PDE1C: variants seen among roughly 807,000 people sequenced by gnomAD.
PDE1C encodes dual specificity calcium/calmodulin-dependent 3',5'-cyclic nucleotide phosphodiesterase 1C.
In PDE1C, 62 loss-of-function variants were observed where a neutral mutation model predicts 93.1. That is an observed-to-expected ratio of 0.67 (90% confidence interval 0.54 to 0.82). PDE1C has a LOEUF of 0.82. Among genes scored for constraint, PDE1C ranks in the 40% least tolerant of loss-of-function variants. PDE1C has a pLI of 0.00. For synonymous variants in PDE1C, 325 were observed against 310.1 expected (o/e 1.05, Z -0.50); for missense variants, 742 against 884.6 (o/e 0.84, Z 2.04).
intron 2 of PDE1C, among the ~76,000 whole-genome samples, chr7:31,943,606 A>G (rs968047375): frequency 6.6e-6 from 1 of 152,182 alleles, no homozygotes; most frequent in Non-Finnish European, 1.5e-5. Context: ...TCCTATAAAT[A>G]TCAATGACCA....
chr7:32,047,729 A>G (rs1313683685), intron 2 of PDE1C, among the ~76,000 whole-genome samples: 4 of 152,098 alleles, frequency 2.6e-5, no homozygotes, highest in Non-Finnish European at 4.4e-5. Flanking sequence ...TTCTTTAACA[A>G]GGTTTTGATA....
At chr7:32,346,535 C>A (rs1783855951) in intron 1 of PDE1C, among the ~76,000 whole-genome samples, 1 of 152,200 alleles carries the variant, frequency 6.6e-6, no homozygotes, top group South Asian at 2.1e-4. Flanking sequence ...CACCTTGAGA[C>A]TATCTCCATG....
At chr7:31,656,161 G>C in the PDE1C span, 1 of 349,678 alleles carries the variant, frequency 2.9e-6, no homozygotes, top group Non-Finnish European at 4.0e-6. Flanking sequence ...AAAACCTCCT[G>C]TCTTGTGTTA....
chr7:32,047,228 T>G (rs1792728115), intron 2 of PDE1C, among the ~76,000 whole-genome samples: 1 of 152,130 alleles, frequency 6.6e-6, no homozygotes, highest in Non-Finnish European at 1.5e-5. Context: ...CCAGACCTGA[T>G]AACTTGAAGG....
At chr7:32,283,991 G>A (rs908726581) in intron 1 of PDE1C, among the ~76,000 whole-genome samples, 5 of 152,138 alleles carry the variant, frequency 3.3e-5, no homozygotes, top group Non-Finnish European at 7.4e-5. Flanking sequence ...ACCAGGGCGG[G>A]AAGAAGCATC....
intron 1 of PDE1C, among the ~76,000 whole-genome samples, chr7:32,426,545 C>T (rs1785539021): frequency 6.6e-6 from 1 of 152,040 alleles, no homozygotes. Flanking sequence ...GATCACTGCA[C>T]CTGGCTGTAC....
At chr7:32,354,628 G>T (rs975144290) in intron 1 of PDE1C, among the ~76,000 whole-genome samples, 3 of 152,154 alleles carry the variant, frequency 2.0e-5, no homozygotes, top group African/African-American at 4.8e-5. Context: ...CCTTGCAGGG[G>T]AAGAGCCCAA....
At position 31,823,357 on chromosome 7, in the gene PDE1C, G is replaced by A. The variant is rs1789240049; in HGVS notation, c.1407-109C>T. 5.4e-6 allele frequency: 4 copies of A among 742,184 alleles called. No homozygotes were observed. In the East Asian group the frequency reaches 8.5e-5, roughly 16 times the overall value. 46.0% of individuals were successfully genotyped at this position (742,184 alleles called of 1,614,324 possible). A position where few individuals can be genotyped will look rare whatever the true frequency, so the allele number is the denominator to read the frequency against. On this transcript the variant is annotated intron_variant, in intron 13 of 17. Coordinates refer to ENST00000396191, the MANE Select transcript of PDE1C (RefSeq NM_001191057.4). The stretch of plus-strand genomic sequence containing the variant: ...TTAGCACTCCTAAAGTTATTGCTGT[G>A]AAATATCTGGATCCTGAGGTTTATA...
intron 3 of PDE1C, among the ~76,000 whole-genome samples, chr7:32,163,722 G>T (rs1032912613): frequency 5.9e-5 from 9 of 152,150 alleles, no homozygotes; most frequent in Non-Finnish European, 1.2e-4. Flanking sequence ...GCAATGCACT[G>T]AGTGGCTTCA....
At chr7:31,896,020 T>TACATACATACACACAC (rs1466998669) in intron 2 of PDE1C, among the ~76,000 whole-genome samples, 1 of 151,274 alleles carries the variant, frequency 6.6e-6, no homozygotes, top group African/African-American at 2.4e-5. Flanking sequence ...CATACATACA[T>TACATACATACACACAC]ACACACACAA....
At chr7:32,124,632 G>GGAAAACTGGCTAGCCATATGCA (rs916132418) in intron 3 of PDE1C, among the ~76,000 whole-genome samples, 4 of 152,162 alleles carry the variant, frequency 2.6e-5, no homozygotes, top group African/African-American at 2.4e-5. Flanking sequence ...AGTGGTGCTA[G>GGAAAACTGGCTAGCCATATGCA]GAAAACTGGC....
intron 1 of PDE1C, among the ~76,000 whole-genome samples, chr7:32,391,224 C>CTTCA (rs1784742590): frequency 1.3e-5 from 2 of 152,012 alleles, no homozygotes; most frequent in Non-Finnish European, 2.9e-5. Context: ...CCTAAGAGAG[C>CTTCA]TGAAGTGGCT....
At chr7:32,107,151 A>G (rs1228907368) in intron 3 of PDE1C, among the ~76,000 whole-genome samples, 1 of 37,972 alleles carries the variant, frequency 2.6e-5, no homozygotes, top group Non-Finnish European at 1.4e-4. Context: ...AATGTAAAGA[A>G]AAAAAAAAAG....
intron 1 of PDE1C, among the ~76,000 whole-genome samples, chr7:32,249,140 T>C (rs902778068): frequency 6.6e-6 from 1 of 151,948 alleles, no homozygotes; most frequent in Non-Finnish European, 1.5e-5. Context: ...CAGCTGGCAG[T>C]GTTCAGGCAG....
intron 3 of PDE1C, among the ~76,000 whole-genome samples, chr7:32,117,735 A>G (rs1799063643): frequency 6.6e-6 from 1 of 152,208 alleles, no homozygotes; most frequent in South Asian, 2.1e-4. Flanking sequence ...GGTTGCAGTC[A>G]AGAGTGTTCA....
chr7:32,387,818 C>G (rs1190196781), intron 1 of PDE1C, among the ~76,000 whole-genome samples: 148 of 147,886 alleles, frequency 1.0e-3, no homozygotes, highest in African/African-American at 3.7e-3. Context: ...TGACCCCCAC[C>G]ACCTCCCTCC....
the PDE1C span, chr7:31,652,062 G>A: frequency 1.7e-5 from 26 of 1,561,330 alleles, no homozygotes; most frequent in Non-Finnish European, 2.3e-5. Context: ...TATGGGTGAT[G>A]GGGTGTGGAG....
chr7:32,234,069 T>C (rs1807903361), intron 1 of PDE1C, among the ~76,000 whole-genome samples: 4 of 151,898 alleles, frequency 2.6e-5, no homozygotes, highest in Admixed American at 2.6e-4. Flanking sequence ...AAAGAGTAAA[T>C]ATCAGGGGAT....
chr7:31,816,390 A>G (rs1270316527), intron 14 of PDE1C, among the ~76,000 whole-genome samples: 1 of 152,190 alleles, frequency 6.6e-6, no homozygotes, highest in Non-Finnish European at 1.5e-5. Flanking sequence ...TAATAAGGAT[A>G]ATAATTAATA....
Sources: allele counts gnomAD v4.1 joint callset (sites outside exome capture counted in the v4.1 genomes callset), GRCh38; gene constraint gnomAD v4.1.1; transcripts MANE v1.5; gene names NCBI Gene and HGNC (gene_info 2026-07-23, HGNC 2026-07-21).